The following NREP variants were observed in gnomAD, a reference collection of about 807,000 sequenced individuals.
NREP encodes neuronal regeneration-related protein.
NREP carries 5 observed loss-of-function variants against 8.6 expected under a neutral mutation model. That is an observed-to-expected ratio of 0.58 (90% CI 0.30 to 1.22). The LOEUF is 1.22. Among genes scored for constraint, NREP ranks in the 50% most tolerant of loss-of-function variants. The probability of loss-of-function intolerance (pLI) is 0.07; values close to 1 mark genes in which losing one functional copy is unlikely to be tolerated. For synonymous variants in NREP, 27 were observed against 28.0 expected (o/e 0.96, Z 0.11); for missense variants, 86 against 82.5 (o/e 1.04, Z -0.17).
In NREP at chr5:111,924,985, T is replaced by TC. The variant is rs1045842837; in HGVS notation, c.135+50288dup. ...TAAAAAGCCATGTGTAAATAGTAGG[T>TC]CCCCCCAGCTACAACTAAGGGGTTG... On this transcript the variant is annotated intron_variant, in intron 2 of 3. Coordinates refer to the NREP transcript ENST00000395634. Among the ~76,000 whole-genome samples the TC allele has an allele frequency of 2.0e-5, 3 of 151,864 alleles. No individual in the cohort carries two copies. The South Asian group carries it at 6.3e-4, about 32-fold the overall frequency.
chr5:111,949,324 T>C (rs1756086811), intron 2 of NREP, among the ~76,000 whole-genome samples: 1 of 151,806 alleles, frequency 6.6e-6, no homozygotes, highest in South Asian at 2.1e-4. Flanking sequence ...TGCAGTCTAG[T>C]GCACAGGAAA....
intron 2 of NREP, among the ~76,000 whole-genome samples, chr5:111,854,009 C>T (rs1483437332): frequency 6.6e-6 from 1 of 152,036 alleles, no homozygotes; most frequent in Admixed American, 6.6e-5. Flanking sequence ...TTGGGAAAAC[C>T]ATACAGGAAA....
At chr5:111,968,694 G>A (rs1304034468) in intron 2 of NREP, among the ~76,000 whole-genome samples, 2 of 152,198 alleles carry the variant, frequency 1.3e-5, no homozygotes, top group Non-Finnish European at 2.9e-5. Flanking sequence ...AATGTGTCAT[G>A]TGTGATGCAT....
intron 2 of NREP, among the ~76,000 whole-genome samples, chr5:111,925,263 G>GT (rs555644767): frequency 0.14 from 8,979 of 64,830 alleles, 630 homozygotes; most frequent in East Asian, 0.27. Context: ...GTTCTGGACG[G>GT]AGATGTCTCT....
At chr5:111,732,782 T>C (rs1465284766) in intron 3 of NREP, 2 of 152,050 alleles carry the variant, frequency 1.3e-5, no homozygotes, top group Non-Finnish European at 2.9e-5. Flanking sequence ...AGGACAAACT[T>C]AGGTTTTGGA....
At chr5:111,881,600 C>T (rs943808657) in intron 2 of NREP, among the ~76,000 whole-genome samples, 1 of 152,168 alleles carries the variant, frequency 6.6e-6, no homozygotes. Context: ...CAGACTGACA[C>T]CTCACACGAC....
At chr5:111,788,598 C>T (rs1035865194) in intron 2 of NREP, among the ~76,000 whole-genome samples, 2 of 152,130 alleles carry the variant, frequency 1.3e-5, no homozygotes, top group Non-Finnish European at 2.9e-5. Flanking sequence ...GACAGCCAGG[C>T]GTTCACTTCA....
chr5:111,892,332 G>A (rs1445332567), intron 2 of NREP, among the ~76,000 whole-genome samples: 1 of 151,916 alleles, frequency 6.6e-6, no homozygotes, highest in Non-Finnish European at 1.5e-5. Context: ...GGGTTCTGTA[G>A]AAATACAACG....
At chr5:111,963,190 T>G (rs1472260272) in intron 2 of NREP, among the ~76,000 whole-genome samples, 1 of 152,236 alleles carries the variant, frequency 6.6e-6, no homozygotes, top group Non-Finnish European at 1.5e-5. Context: ...AGCAACGCCA[T>G]GGGGCCTGCA....
intron 2 of NREP, among the ~76,000 whole-genome samples, chr5:111,917,703 A>G (rs964074057): frequency 3.3e-5 from 5 of 152,150 alleles, no homozygotes; most frequent in Non-Finnish European, 5.9e-5. Flanking sequence ...CTGATGGAAC[A>G]TATCTCAAAA....
chr5:111,967,793 T>TA lies in NREP; in HGVS notation c.135+7480dup, dbSNP rs879694289. Among the ~76,000 whole-genome samples, 45 of 147,694 alleles carry TA rather than the reference T, an allele frequency of 3.0e-4. No individual in the cohort carries two copies. In the Middle Eastern group the frequency reaches 0.01, roughly 34 times the overall value. On this transcript the variant is annotated intron_variant, in intron 2 of 3. Coordinates refer to the NREP transcript ENST00000395634. Reference sequence around the variant, plus strand: ...TCCCCAACTTGTAAACTTTTTAATTTAAAAAAAAAAAGAAGATCTTTTTCC... The same window carrying TA: ...TCCCCAACTTGTAAACTTTTTAATTTAAAAAAAAAAAAGAAGATCTTTTTCC...
At chr5:111,964,773 T>A (rs1434574577) in intron 2 of NREP, among the ~76,000 whole-genome samples, 3 of 147,626 alleles carry the variant, frequency 2.0e-5, no homozygotes, top group Non-Finnish European at 4.4e-5. Flanking sequence ...GTACAAGAGC[T>A]TCTTTAGGGT....
intron 2 of NREP, among the ~76,000 whole-genome samples, chr5:111,971,205 T>C (rs945503280): frequency 6.6e-6 from 1 of 152,228 alleles, no homozygotes; most frequent in African/African-American, 2.4e-5. Context: ...ATAAAATTTG[T>C]TGATGATCTA....
chr5:111,847,656 T>C (rs902786462), intron 2 of NREP, among the ~76,000 whole-genome samples: 25 of 152,192 alleles, frequency 1.6e-4, no homozygotes, highest in Admixed American at 2.0e-4. Context: ...TCAGCCTGTG[T>C]CTATCTGTAT....
At chr5:111,949,279 G>C (rs887999405) in intron 2 of NREP, among the ~76,000 whole-genome samples, 5 of 152,006 alleles carry the variant, frequency 3.3e-5, no homozygotes, top group African/African-American at 1.2e-4. Context: ...AAGAGTTGAG[G>C]TGATTGCAGC....
At chr5:111,883,804 T>C (rs1754153557) in intron 2 of NREP, among the ~76,000 whole-genome samples, 1 of 151,890 alleles carries the variant, frequency 6.6e-6, no homozygotes, top group Non-Finnish European at 1.5e-5. Context: ...TACCAGAATC[T>C]CTGGGACACA....
At chr5:111,932,399 A>T (rs1370024142) in intron 2 of NREP, among the ~76,000 whole-genome samples, 1 of 152,116 alleles carries the variant, frequency 6.6e-6, no homozygotes, top group Non-Finnish European at 1.5e-5. Context: ...TAGCCATCCC[A>T]CAGTTATACA....
intron 3 of NREP, chr5:111,734,636 T>C (rs760476660): frequency 2.1e-5 from 13 of 621,158 alleles, no homozygotes; most frequent in South Asian, 1.1e-4. Flanking sequence ...TTCTTAAACA[T>C]TGAAATACCA....
intron 2 of NREP, among the ~76,000 whole-genome samples, chr5:111,833,276 A>G (rs1752817475): frequency 6.6e-6 from 1 of 152,206 alleles, no homozygotes; most frequent in Non-Finnish European, 1.5e-5. Flanking sequence ...CCCTCAGGAC[A>G]GTTTATCCTA....
Sources: allele counts gnomAD v4.1 joint callset (sites outside exome capture counted in the v4.1 genomes callset), GRCh38; gene constraint gnomAD v4.1.1; transcripts MANE v1.5; gene names NCBI Gene and HGNC (gene_info 2026-07-23, HGNC 2026-07-21).